ITGBL1: variants seen among roughly 807,000 people sequenced by gnomAD.
ITGBL1 encodes integrin subunit beta like 1.
Under a neutral mutation model 68.5 loss-of-function variants are expected in ITGBL1, and 51 were observed. The observed-to-expected ratio is 0.74, with a 90% confidence interval of 0.59 to 0.94. ITGBL1 has a LOEUF of 0.94. Ranked by LOEUF, ITGBL1 falls within the 40% of genes least tolerant of loss-of-function variation. ITGBL1 has a pLI of 0.00. For missense variants in ITGBL1, 649 were observed against 647.4 expected (o/e 1.00, Z -0.03); for synonymous variants, 209 against 227.3 (o/e 0.92, Z 0.72).
intron 7 of ITGBL1, among the ~76,000 whole-genome samples, chr13:101,621,538 C>T (rs561722764): frequency 6.6e-6 from 1 of 152,166 alleles, no homozygotes; most frequent in African/African-American, 2.4e-5. Flanking sequence ...AACTAACCCA[C>T]CCAGATTGCT....
At chr13:101,466,324 G>T (rs1018665138) in intron 2 of ITGBL1, among the ~76,000 whole-genome samples, 2 of 152,080 alleles carry the variant, frequency 1.3e-5, no homozygotes, top group African/African-American at 4.8e-5. Flanking sequence ...GTGACATTTT[G>T]TCAAGTATCT....
chr13:101,615,398 G>A (rs1407917836), intron 7 of ITGBL1, among the ~76,000 whole-genome samples: 4 of 152,052 alleles, frequency 2.6e-5, no homozygotes, highest in East Asian at 1.9e-4. Context: ...CCCTCTTAGG[G>A]GAAATCAAGC....
At chr13:101,576,927 T>G (rs554317640) in intron 4 of ITGBL1, among the ~76,000 whole-genome samples, 11 of 149,934 alleles carry the variant, frequency 7.3e-5, no homozygotes, top group Middle Eastern at 3.4e-3. Context: ...GTCCTCTTGA[T>G]GTTTAGTTTC....
chr13:101,608,058 A>G (rs1174590162), intron 7 of ITGBL1, among the ~76,000 whole-genome samples: 1 of 152,072 alleles, frequency 6.6e-6, no homozygotes, highest in African/African-American at 2.4e-5. Flanking sequence ...ACATAACCAT[A>G]CACCCCCATA....
intron 2 of ITGBL1, among the ~76,000 whole-genome samples, chr13:101,549,464 C>T (rs186713153): frequency 6.6e-6 from 1 of 151,698 alleles, no homozygotes; most frequent in East Asian, 1.9e-4. Context: ...GGAAAAATGC[C>T]ATTTATTAAA....
At chr13:101,489,838 A>G (rs972009505) in intron 2 of ITGBL1, 5 of 626,088 alleles carry the variant, frequency 8.0e-6, no homozygotes, top group African/African-American at 1.8e-5. Context: ...ATAAAATAGC[A>G]TTCAGTTTGT....
chr13:101,470,909 T>TAGCAGGATAA (rs5806219), intron 2 of ITGBL1, among the ~76,000 whole-genome samples: 131,474 of 151,812 alleles, frequency 0.87, 57,016 homozygotes, highest in East Asian at 0.99. Context: ...AATAAACAAA[T>TAGCAGGATAA]ATCATCTTAC....
chr13:101,510,109 G>C (rs1225988245), intron 2 of ITGBL1, among the ~76,000 whole-genome samples: 1 of 152,076 alleles, frequency 6.6e-6, no homozygotes, highest in Non-Finnish European at 1.5e-5. Flanking sequence ...ATTGGACCCA[G>C]GTTGTGAACC....
chr13:101,494,035 A>G (rs1420150438), intron 2 of ITGBL1, among the ~76,000 whole-genome samples: 1 of 152,224 alleles, frequency 6.6e-6, no homozygotes, highest in Non-Finnish European at 1.5e-5. Flanking sequence ...CTATTCAGCC[A>G]CTTTGAGGAG....
intron 2 of ITGBL1, among the ~76,000 whole-genome samples, chr13:101,495,905 C>A (rs773446723): frequency 3.3e-5 from 5 of 152,052 alleles, no homozygotes; most frequent in South Asian, 2.1e-4. Context: ...AAAAGCAATT[C>A]ATTGAGAGAG....
chr13:101,639,780 G>T (rs762715806), intron 7 of ITGBL1, among the ~76,000 whole-genome samples: 1 of 152,114 alleles, frequency 6.6e-6, no homozygotes, highest in African/African-American at 2.4e-5. Context: ...CCTCTAAAAT[G>T]CTTTAATGCA....
At chr13:101,677,102 C>T (rs763983620) in intron 7 of ITGBL1, among the ~76,000 whole-genome samples, 2 of 151,974 alleles carry the variant, frequency 1.3e-5, no homozygotes, top group Non-Finnish European at 2.9e-5. Context: ...CCAGCCTGGG[C>T]GACAGAGCGA....
At chr13:101,597,638 G>GC (rs1178687378) in intron 6 of ITGBL1, among the ~76,000 whole-genome samples, 1 of 151,578 alleles carries the variant, frequency 6.6e-6, no homozygotes, top group Non-Finnish European at 1.5e-5. Context: ...TGCAATGTCT[G>GC]CCCCCCTGGG....
intron 9 of ITGBL1, 40 bp from the exon 10 acceptor site, chr13:101,714,398 G>A (rs377474868): frequency 8.9e-7 from 1 of 1,121,694 alleles, no homozygotes; most frequent in Non-Finnish European, 1.4e-6. Flanking sequence ...GAAACCTTTA[G>A]TTATAAGGTG....
intron 2 of ITGBL1, among the ~76,000 whole-genome samples, chr13:101,480,985 T>C (rs2048610941): frequency 6.7e-6 from 1 of 149,650 alleles, no homozygotes; most frequent in Admixed American, 6.8e-5. Flanking sequence ...ATAGGGAGCC[T>C]TTTAATGCCA....
chr13:101,624,566 GA>G (rs1172569783), intron 7 of ITGBL1, among the ~76,000 whole-genome samples: 1 of 152,186 alleles, frequency 6.6e-6, no homozygotes, highest in African/African-American at 2.4e-5. Context: ...ATGAAAGGGA[GA>G]AGAGCTCAGT....
chr13:101,526,619 G>T (rs2049383744), intron 2 of ITGBL1, among the ~76,000 whole-genome samples: 1 of 151,342 alleles, frequency 6.6e-6, no homozygotes, highest in African/African-American at 2.4e-5. Context: ...GCGCTCTTTT[G>T]GTTTGATTTT....
chr13:101,604,845 AATATATATATATAT>A lies in ITGBL1; in HGVS notation c.1015+6576_1015+6589del, dbSNP rs1555361671. 2.0e-4 allele frequency among the ~76,000 whole-genome samples: 6 copies of A among 29,368 alleles called. 1 individual carries two copies. The highest frequency in any genetic ancestry group is 1.2e-3 in the East Asian group (1 of 860). 19.3% of individuals were successfully genotyped at this position (29,368 alleles called of 152,430 possible). ...AGTTTGTCAGGGACCAGGTGAAGGC[AATATATATATATAT>A]ATATATATATATATATATATATATA... is the stretch of plus-strand genomic sequence containing the variant. On this transcript the variant is annotated intron_variant, in intron 7 of 10. Coordinates refer to ENST00000376180, the MANE Select transcript of ITGBL1 (RefSeq NM_004791.3).
intron 2 of ITGBL1, among the ~76,000 whole-genome samples, chr13:101,491,668 C>T (rs1283590063): frequency 1.3e-5 from 2 of 152,054 alleles, no homozygotes; most frequent in Non-Finnish European, 2.9e-5. Context: ...GATACATGAG[C>T]AGAATGTGCA....
Sources: allele counts gnomAD v4.1 joint callset (sites outside exome capture counted in the v4.1 genomes callset), GRCh38; gene constraint gnomAD v4.1.1; transcripts MANE v1.5; gene names NCBI Gene and HGNC (gene_info 2026-07-23, HGNC 2026-07-21).